Variants in TMEM268 observed in about 807,000 individuals in gnomAD.
The protein encoded by TMEM268 is transmembrane protein C9orf91.
A neutral mutation model predicts 39.1 loss-of-function variants in TMEM268; 24 were observed. The ratio of observed to expected loss-of-function variants is 0.61; its 90% CI spans 0.44 to 0.86. TMEM268 has a LOEUF of 0.86. Ranked by LOEUF, TMEM268 falls within the 40% of genes least tolerant of loss-of-function variation. The pLI is 0.00. For synonymous variants in TMEM268, 176 were observed against 173.5 expected (o/e 1.01, Z -0.12); for missense variants, 409 against 428.6 (o/e 0.95, Z 0.40).
Position 114,645,594 on chromosome 9 carries a change from A to C in TMEM268, c.*2281A>C, listed in dbSNP as rs1026476066. 1 of 152,370 alleles carries C rather than the reference A, an allele frequency of 6.6e-6. No individual in the cohort carries two copies. Among genetic ancestry groups the C allele is most frequent in the Admixed American group, 6.5e-5 (1 of 15,292 alleles). 9.4% of individuals were successfully genotyped at this position (152,370 alleles called of 1,614,324 possible). ...GGCACAGAGGAAATGTTGGCTGTGA[A>C]TGTGACCAATAGAAAGAAGCCCGTA... On this transcript the variant is annotated 3_prime_UTR_variant, in exon 9 of 9. Coordinates refer to ENST00000288502, the MANE Select transcript of TMEM268 (RefSeq NM_153045.4).
At chr9:114,637,711 G>A (rs1846703985) in intron 7 of TMEM268, among the ~76,000 whole-genome samples, 1 of 152,162 alleles carries the variant, frequency 6.6e-6, no homozygotes, top group Non-Finnish European at 1.5e-5. Flanking sequence ...AAAATCAGAG[G>A]GATCTTGCTC....
In TMEM268 at chr9:114,619,293, GCACA is replaced by G. The variant is rs10552544; in HGVS notation, c.106+2017_106+2020del. 5.7e-3 allele frequency among the ~76,000 whole-genome samples: 859 copies of G among 150,398 alleles called. 4 individuals are homozygous for G. The highest frequency in any genetic ancestry group is 0.013 in the African/African-American group (545 of 41,124). ...CCCCTCTGCGCGTGCGTGCACGCGTGCACACACACACACACACACACACACACAG... is the reference window on the plus strand; with the variant it reads ...CCCCTCTGCGCGTGCGTGCACGCGTGCACACACACACACACACACACACAG... On this transcript the variant is annotated intron_variant, in intron 2 of 8. Transcript: ENST00000288502.
intron 8 of TMEM268, 122 bp from the exon 9 acceptor site, chr9:114,643,012 C>G: frequency 9.9e-7 from 1 of 1,013,636 alleles, no homozygotes. Context: ...CTGGTTCTTC[C>G]TAGAGAGCAT....
At chr9:114,628,000 A>C in intron 4 of TMEM268, 101 bp from the exon 5 acceptor site, 1 of 1,299,138 alleles carries the variant, frequency 7.7e-7, no homozygotes, top group Non-Finnish European at 1.1e-6. Context: ...GTCTGAATCC[A>C]AGGAGGGTAT....
intron 8 of TMEM268, among the ~76,000 whole-genome samples, chr9:114,640,343 C>T (rs1846848357): frequency 6.6e-6 from 1 of 152,060 alleles, no homozygotes; most frequent in African/African-American, 2.4e-5. Flanking sequence ...AATCGATGCC[C>T]AAGTCTCAAC....
chr9:114,633,771 A>T lies in TMEM268; in HGVS notation c.478A>T (p.Asn160Tyr). ...LVFERHQKKANTNTDLRLAAA... is the reference protein window; with the variant it reads ...LVFERHQKKAYTNTDLRLAAA... Reference sequence around the variant, plus strand: ...GGGCCTGGCGTTTGTCTTACAGGCCAACACCAACACGGACCTGAGGCTGGC... The same window carrying T: ...GGGCCTGGCGTTTGTCTTACAGGCCTACACCAACACGGACCTGAGGCTGGC... The change falls in exon 6 of 9, where the codon AAC (asparagine) becomes TAC (tyrosine). Residue 160 changes from asparagine to tyrosine, a missense_variant. Transcript: ENST00000288502. The T allele has an allele frequency of 6.3e-7, 1 of 1,579,788 alleles. No homozygotes were observed. The highest frequency in any genetic ancestry group is 8.6e-7 in the Non-Finnish European group (1 of 1,162,746).
chr9:114,626,931 G>A lies in TMEM268; in HGVS notation c.249G>A (p.Glu83=). 1 of 1,613,784 alleles carries A rather than the reference G, an allele frequency of 6.2e-7. No individual in the cohort carries two copies. Among genetic ancestry groups the A allele is most frequent in the Non-Finnish European group, 8.5e-7 (1 of 1,179,698 alleles). The stretch of plus-strand genomic sequence containing the variant: ...CTGACCAGTACAGGAGCTTGGCTGA[G>A]AGTGCCCTCTTGGAGCCCCAAGTGA... ...VPADQYRSLA[E]SALLEPQVRR... is the part of the protein sequence containing the mutation. Residue 83 remains glutamate, a synonymous_variant, in exon 4 of 9, where the codon GAG becomes GAA. Coordinates refer to ENST00000288502, the MANE Select transcript of TMEM268 (RefSeq NM_153045.4).
At chr9:114,642,327 C>T (rs1191771607) in intron 8 of TMEM268, among the ~76,000 whole-genome samples, 1 of 151,846 alleles carries the variant, frequency 6.6e-6, no homozygotes, top group Admixed American at 6.6e-5. Flanking sequence ...TTTTTATAAG[C>T]AATCTCTTTT....
chr9:114,610,164 C>G (rs949562027), upstream of TMEM268, among the ~76,000 whole-genome samples: 1 of 152,016 alleles, frequency 6.6e-6, no homozygotes, highest in Non-Finnish European at 1.5e-5. Context: ...CTCAGTCTCC[C>G]GAGTAGCTGG....
At chr9:114,615,922 C>T (rs1372861128) in intron 1 of TMEM268, among the ~76,000 whole-genome samples, 1 of 151,874 alleles carries the variant, frequency 6.6e-6, no homozygotes. Flanking sequence ...AAACTCCTGA[C>T]CTCAGGTGAT....
intron 6 of TMEM268, among the ~76,000 whole-genome samples, chr9:114,634,775 G>A (rs542252756): frequency 1.3e-3 from 194 of 151,962 alleles, no homozygotes; most frequent in African/African-American, 4.4e-3. Flanking sequence ...ACTGTCCCAG[G>A]GATTGAGGCT....
chr9:114,631,352 G>A (rs1005713990), intron 5 of TMEM268, among the ~76,000 whole-genome samples: 9 of 151,432 alleles, frequency 5.9e-5, no homozygotes. Flanking sequence ...ACATTGCTAG[G>A]ACACATGAGA....
upstream of TMEM268, among the ~76,000 whole-genome samples, chr9:114,609,851 A>G (rs1845431032): frequency 9.1e-6 from 1 of 110,422 alleles, no homozygotes; most frequent in African/African-American, 3.6e-5. Flanking sequence ...AAAGAAAGAA[A>G]GAAAGAGAAA....
intron 5 of TMEM268, among the ~76,000 whole-genome samples, chr9:114,629,977 A>G (rs1163441442): frequency 2.6e-5 from 4 of 152,238 alleles, no homozygotes; most frequent in Non-Finnish European, 5.9e-5. Context: ...TCCTGCAGCA[A>G]GAACTTTGTC....
intron 5 of TMEM268, among the ~76,000 whole-genome samples, chr9:114,629,262 C>T (rs1050415903): frequency 2.0e-5 from 3 of 152,252 alleles, no homozygotes; most frequent in Non-Finnish European, 4.4e-5. Flanking sequence ...ACATAGGTCT[C>T]ACTGGACTAA....
At chr9:114,639,935 A>G (rs1211863233) in intron 8 of TMEM268, among the ~76,000 whole-genome samples, 1 of 150,640 alleles carries the variant, frequency 6.6e-6, no homozygotes, top group Non-Finnish European at 1.5e-5. Flanking sequence ...TTTTATTTAG[A>G]GACGGGGTTT....
upstream of TMEM268, among the ~76,000 whole-genome samples, chr9:114,610,100 C>A (rs557425872): frequency 1.3e-5 from 2 of 151,264 alleles, no homozygotes; most frequent in Non-Finnish European, 2.9e-5. Context: ...AGTGCAATGG[C>A]GCAATCTCGG....
the TMEM268 span, among the ~76,000 whole-genome samples, chr9:114,604,585 C>CAAAAAAAAAAA: frequency 1.2e-5 from 1 of 81,664 alleles, no homozygotes; most frequent in Non-Finnish European, 2.2e-5. Flanking sequence ...GACTCCGTCT[C>CAAAAAAAAAAA]AAAAAAAAAA....
At chr9:114,620,166 G>A (rs1055948674) in intron 2 of TMEM268, among the ~76,000 whole-genome samples, 2 of 152,116 alleles carry the variant, frequency 1.3e-5, no homozygotes, top group Non-Finnish European at 2.9e-5. Context: ...AGTGAGCTGA[G>A]ATCGCACCAT....
Sources: allele counts gnomAD v4.1 joint callset (sites outside exome capture counted in the v4.1 genomes callset), GRCh38; gene constraint gnomAD v4.1.1; transcripts MANE v1.5; gene names NCBI Gene and HGNC (gene_info 2026-07-23, HGNC 2026-07-21).